Variants in ARID2 observed in about 807,000 individuals in gnomAD.
ARID2 encodes the protein AT-rich interactive domain-containing protein 2.
In ARID2, 32 loss-of-function variants were observed where a neutral mutation model predicts 184.6. The ratio of observed to expected loss-of-function variants is 0.17; its 90% CI spans 0.13 to 0.23. The LOEUF (loss-of-function observed/expected upper bound fraction) is 0.23. ARID2 is among the 10% of genes least tolerant of loss of function. The pLI, the probability that ARID2 is intolerant of heterozygous loss-of-function variation, is 1.00. For missense variants in ARID2, 1,696 were observed against 2,197.6 expected (o/e 0.77, Z 4.56); for synonymous variants, 836 against 772.6 (o/e 1.08, Z -1.36).
chr12:45,808,596 A>G (rs1222863337), intron 3 of ARID2, among the ~76,000 whole-genome samples: 1 of 152,132 alleles, frequency 6.6e-6, no homozygotes, highest in East Asian at 1.9e-4. Context: ...TATTATGAGT[A>G]TATAGTGTTG....
In ARID2 at chr12:45,839,357, T is replaced by C. The variant is rs138343177; in HGVS notation, c.1359T>C (p.Asp453=). ...TGTTAGTGTGTCTGGTTTCTATGGA[T>C]ATTCAGATGTTTGGCCCTGATGCAC... is the stretch of plus-strand genomic sequence containing the variant. ...IDMLVCLVSM[D]IQMFGPDALA... is the part of the protein sequence containing the mutation. The change falls in exon 11 of 21, where the codon GAT becomes GAC. Residue 453 remains aspartate (D), a synonymous_variant. Transcript: ENST00000334344. 6.4e-5 allele frequency: 104 copies of C among 1,612,968 alleles called. No homozygotes were observed. The highest frequency in any genetic ancestry group is 8.3e-5 in the Non-Finnish European group (98 of 1,179,736).
chr12:45,758,774 A>G (rs1941618523), intron 3 of ARID2, among the ~76,000 whole-genome samples: 1 of 152,110 alleles, frequency 6.6e-6, no homozygotes, highest in Non-Finnish European at 1.5e-5. Context: ...GGGCAGAGTA[A>G]AAGAGAGAAG....
At chr12:45,817,576 A>C in intron 4 of ARID2, 94 bp from the exon 5 acceptor site, 1 of 283,474 alleles carries the variant, frequency 3.5e-6, no homozygotes, top group Non-Finnish European at 6.2e-6. Flanking sequence ...TATATTATAT[A>C]TATATATTTA....
intron 3 of ARID2, among the ~76,000 whole-genome samples, chr12:45,748,326 G>A (rs1941397026): frequency 6.6e-6 from 1 of 152,160 alleles, no homozygotes; most frequent in African/African-American, 2.4e-5. Flanking sequence ...GGGAGGTTGA[G>A]GCTGCAGTGA....
intron 11 of ARID2, chr12:45,842,228 C>T (rs1943356350): frequency 1.5e-5 from 2 of 137,162 alleles, no homozygotes; most frequent in African/African-American, 3.0e-5. Context: ...AGAACCTGGT[C>T]TATCTCAAAA....
At chr12:45,849,505 T>C in intron 13 of ARID2, 75 bp from the exon 14 acceptor site, 27 of 1,202,540 alleles carry the variant, frequency 2.2e-5, no homozygotes, top group Non-Finnish European at 3.0e-5. Flanking sequence ...CATACTGCTG[T>C]TGTTCATGTA....
intron 3 of ARID2, among the ~76,000 whole-genome samples, chr12:45,766,034 T>C (rs938588491): frequency 6.6e-6 from 1 of 152,228 alleles, no homozygotes; most frequent in Non-Finnish European, 1.5e-5. Flanking sequence ...TTCTATTGTA[T>C]TGATACACCA....
intron 16 of ARID2, among the ~76,000 whole-genome samples, chr12:45,868,027 T>G (rs1943859611): frequency 6.6e-6 from 1 of 152,274 alleles, no homozygotes; most frequent in South Asian, 2.1e-4. Flanking sequence ...TTTTAATTTT[T>G]ATTTCAAGTA....
intron 11 of ARID2, among the ~76,000 whole-genome samples, chr12:45,844,266 A>G (rs1291292753): frequency 6.6e-6 from 1 of 152,200 alleles, no homozygotes; most frequent in East Asian, 1.9e-4. Context: ...CAATTCACCC[A>G]CTTCGGCCTC....
chr12:45,808,115 T>A (rs1005375769), intron 3 of ARID2, among the ~76,000 whole-genome samples: 8 of 152,236 alleles, frequency 5.3e-5, no homozygotes, highest in African/African-American at 1.9e-4. Flanking sequence ...AGGAGAAAGA[T>A]GTGCAGTCTA....
At chr12:45,793,892 C>G (rs1040939991) in intron 3 of ARID2, among the ~76,000 whole-genome samples, 1 of 151,080 alleles carries the variant, frequency 6.6e-6, no homozygotes, top group African/African-American at 2.4e-5. Flanking sequence ...CTTTTTGAAG[C>G]AAATGTCTTC....
intron 15 of ARID2, among the ~76,000 whole-genome samples, chr12:45,856,093 G>GAGACACAGTC (rs1943644211): frequency 1.3e-4 from 1 of 7,678 alleles, no homozygotes. Flanking sequence ...TTTTTTTTTT[G>GAGACACAGTC]AGACACAGTC....
intron 3 of ARID2, among the ~76,000 whole-genome samples, chr12:45,743,304 G>A (rs1941297874): frequency 6.6e-6 from 1 of 152,124 alleles, no homozygotes; most frequent in South Asian, 2.1e-4. Flanking sequence ...AGGAGGTGGA[G>A]GTTGTGGTGA....
chr12:45,904,898 T>C, intron 20 of ARID2, 36 bp from the exon 21 acceptor site: 2 of 1,608,160 alleles, frequency 1.2e-6, no homozygotes, highest in Non-Finnish European at 1.7e-6. Context: ...CGCTGTGACC[T>C]TGGAGACTGA....
At chr12:45,777,941 C>CA (rs780128132) in intron 3 of ARID2, among the ~76,000 whole-genome samples, 3 of 151,938 alleles carry the variant, frequency 2.0e-5, no homozygotes, top group Non-Finnish European at 4.4e-5. Flanking sequence ...CCCAGTGGCT[C>CA]ACGCCTGTAA....
rs1306774034 is a variant in ARID2 at position 45,852,262 on chromosome 12, A to C, written c.4139A>C (p.Lys1380Thr). The C allele has an allele frequency of 6.2e-7, 1 of 1,614,026 alleles. No homozygotes were observed. Among genetic ancestry groups the C allele is most frequent in the Non-Finnish European group, 8.5e-7 (1 of 1,180,020 alleles). ...TTAAGCAAAAACATTCCAAATCATA[A>C]AACTTCCAATCATGTAGGAAATGGT... ...SHLSKNIPNHKTSNHVGNGEI... is the reference protein window; with the variant it reads ...SHLSKNIPNHTTSNHVGNGEI... The change falls in exon 15 of 21, where the codon AAA (lysine) becomes ACA (threonine). Residue 1380 changes from lysine to threonine, a missense_variant. By Grantham distance (78) the Lys-to-Thr change is moderately conservative (BLOSUM62 -1). Transcript: ENST00000334344.
rs775088285 is a variant in ARID2, at chr12:45,850,965, C to G, written c.2842C>G (p.Leu948Val). The change falls in exon 15 of 21, where the codon CTT becomes GTT. Residue 948 changes from leucine to valine, a missense_variant. Around this residue, in one of 11 missense-constraint regions of ARID2, gnomAD observed 713 missense variants for 824.4 expected, o/e 0.86. Transcript: ENST00000334344. ...TGCACCAGCCATTCACCAAATTGTT[C>G]TTGCTAATCCAGCAGCTCTTCCAGC... Reference protein sequence around the residue: ...TYAPAIHQIVLANPAALPAGQ... With the variant: ...TYAPAIHQIVVANPAALPAGQ... The G allele has an allele frequency of 6.2e-7, 1 of 1,614,084 alleles. No individual in the cohort carries two copies. The highest frequency in any genetic ancestry group is 8.5e-7 in the Non-Finnish European group (1 of 1,180,034).
In ARID2 at chr12:45,848,849, T is replaced by C. The variant is rs371744498; in HGVS notation, c.1594T>C (p.Phe532Leu). The part of the protein sequence containing the change: ...KFACQWLNAH[F>L]EVNPDCSVSR... ...CTCCTCTTTTAGGCTAAATGCTCAT[T>C]TTGAAGTAAATCCAGATTGTTCTGT... The change falls in exon 13 of 21, where the codon TTT becomes CTT. Residue 532 changes from phenylalanine to leucine, a missense_variant. Phe to Leu is a conservative substitution (Grantham distance 22, BLOSUM62 0). Around this residue, in one of 11 missense-constraint regions of ARID2, gnomAD observed 713 missense variants for 824.4 expected, o/e 0.86. Coordinates refer to ENST00000334344, the MANE Select transcript of ARID2 (RefSeq NM_152641.4). 2 of 1,611,180 alleles carry C rather than the reference T, an allele frequency of 1.2e-6. No homozygotes were observed. Among genetic ancestry groups the C allele is most frequent in the African/African-American group, 2.7e-5 (2 of 74,808 alleles).
At chr12:45,806,393 C>T (rs560132846) in intron 3 of ARID2, among the ~76,000 whole-genome samples, 1 of 152,194 alleles carries the variant, frequency 6.6e-6, no homozygotes, top group East Asian at 1.9e-4. Context: ...TCCTTTCATG[C>T]CTTTCAGTTA....
Sources: gnomAD v4.1 joint callset for allele counts (sites outside exome capture counted in the v4.1 genomes callset) on GRCh38, gnomAD v4.1.1 for gene constraint, gnomAD v4.1.1 regional missense constraint, MANE v1.5 for transcripts, NCBI Gene and HGNC (gene_info 2026-07-23, HGNC 2026-07-21) for gene names.